Variants in STK32B observed in about 807,000 individuals in gnomAD.
STK32B encodes the protein serine/threonine-protein kinase 32B.
Under a neutral mutation model 52.6 loss-of-function variants are expected in STK32B, and 43 were observed. The observed-to-expected ratio is 0.82, with a 90% CI of 0.64 to 1.05. The LOEUF is 1.05. Among genes scored for constraint, STK32B ranks in the 50% least tolerant of loss-of-function variants. The pLI is 0.00. For missense variants in STK32B, 621 were observed against 534.6 expected (o/e 1.16, Z -1.59); for synonymous variants, 238 against 204.3 (o/e 1.17, Z -1.41).
chr4:5,076,326 G>T (rs1196545326), intron 1 of STK32B, among the ~76,000 whole-genome samples: 1 of 152,086 alleles, frequency 6.6e-6, no homozygotes, highest in Non-Finnish European at 1.5e-5. Flanking sequence ...TCCTAAGGAG[G>T]TACTGTAATT....
chr4:5,471,601 C>G (rs1292656281), intron 11 of STK32B, among the ~76,000 whole-genome samples: 4 of 152,118 alleles, frequency 2.6e-5, no homozygotes, highest in African/African-American at 9.7e-5. Context: ...GTTACGGCCA[C>G]CCAGAGAAAC....
chr4:5,202,484 G>C (rs1722227884), intron 3 of STK32B, among the ~76,000 whole-genome samples: 1 of 152,246 alleles, frequency 6.6e-6, no homozygotes, highest in African/African-American at 2.4e-5. Flanking sequence ...CTTTCTCACA[G>C]CTCCGCTCGG....
intron 1 of STK32B, among the ~76,000 whole-genome samples, chr4:5,126,779 T>C (rs1048811448): frequency 1.7e-4 from 26 of 152,284 alleles, no homozygotes; most frequent in Admixed American, 2.6e-4. Context: ...TCTCAACAAA[T>C]GATTCGACGG....
At chr4:5,451,195 C>T (rs574085014) in intron 7 of STK32B, among the ~76,000 whole-genome samples, 1 of 152,264 alleles carries the variant, frequency 6.6e-6, no homozygotes, top group East Asian at 1.9e-4. Context: ...CAGGTAGATG[C>T]AGGTAAAGCT....
chr4:5,125,420 C>T (rs1237919255), intron 1 of STK32B, among the ~76,000 whole-genome samples: 1 of 152,240 alleles, frequency 6.6e-6, no homozygotes, highest in Non-Finnish European at 1.5e-5. Flanking sequence ...TAGGTCCCTC[C>T]AGCCCCCCTC....
intron 8 of STK32B, chr4:5,458,723 G>C (rs1398384701): frequency 6.6e-6 from 1 of 152,504 alleles, no homozygotes. Context: ...TCCTCTATTG[G>C]GGATGGTCAT....
chr4:5,332,423 A>C (rs551153286), intron 4 of STK32B, among the ~76,000 whole-genome samples: 1 of 152,326 alleles, frequency 6.6e-6, no homozygotes, highest in East Asian at 1.9e-4. Context: ...TATCTATGGA[A>C]TGGGGGCAGT....
At chr4:5,175,832 C>T (rs1229364392) in intron 3 of STK32B, among the ~76,000 whole-genome samples, 1 of 152,256 alleles carries the variant, frequency 6.6e-6, no homozygotes, top group Non-Finnish European at 1.5e-5. Flanking sequence ...TCAAAGCTGT[C>T]AGACAGGGAC....
chr4:5,309,100 A>C (rs1050071542), intron 3 of STK32B, among the ~76,000 whole-genome samples: 8 of 152,164 alleles, frequency 5.3e-5, no homozygotes, highest in African/African-American at 1.7e-4. Flanking sequence ...CTATACACCA[A>C]CAAAAAACTA....
chr4:5,424,137 C>T (rs765871329), intron 6 of STK32B, among the ~76,000 whole-genome samples: 5 of 152,136 alleles, frequency 3.3e-5, no homozygotes, highest in African/African-American at 1.2e-4. Context: ...ATGCTCAGGG[C>T]AGCACTGACA....
chr4:5,457,219 T>C (rs957360846), intron 8 of STK32B, among the ~76,000 whole-genome samples: 5 of 148,246 alleles, frequency 3.4e-5, no homozygotes, highest in East Asian at 2.1e-4. Flanking sequence ...TTTCTTTTTT[T>C]TTTTTTTTTT....
At chr4:5,172,571 T>C (rs1719475640) in intron 3 of STK32B, among the ~76,000 whole-genome samples, 1 of 152,218 alleles carries the variant, frequency 6.6e-6, no homozygotes. Context: ...GATAACCATG[T>C]GGTTTTTGTC....
intron 3 of STK32B, among the ~76,000 whole-genome samples, chr4:5,316,791 ATATTATATATT>A (rs1730869987): frequency 0.037 from 2 of 54 alleles, 1 homozygote; most frequent in African/African-American, 0.25. Flanking sequence ...TTATACATAT[ATATTATATATT>A]ATATATATTA....
At chr4:5,346,182 A>C (rs375606414) in intron 4 of STK32B, among the ~76,000 whole-genome samples, 9 of 152,342 alleles carry the variant, frequency 5.9e-5, no homozygotes, top group African/African-American at 1.9e-4. Context: ...CCCGTTTGCC[A>C]ATACTACCTT....
chr4:5,205,981 G>A (rs985477112), intron 3 of STK32B, among the ~76,000 whole-genome samples: 4 of 152,146 alleles, frequency 2.6e-5, no homozygotes, highest in Non-Finnish European at 5.9e-5. Flanking sequence ...AATATTCTTG[G>A]CACCAGGTGC....
At chr4:5,375,714 C>T (rs916856739) in intron 4 of STK32B, among the ~76,000 whole-genome samples, 1 of 152,030 alleles carries the variant, frequency 6.6e-6, no homozygotes, top group Non-Finnish European at 1.5e-5. Flanking sequence ...TTGTTTTGGC[C>T]TCTGTTTTTT....
At chr4:5,165,879 T>C (rs1718831672) in intron 2 of STK32B, among the ~76,000 whole-genome samples, 1 of 152,234 alleles carries the variant, frequency 6.6e-6, no homozygotes, top group South Asian at 2.1e-4. Context: ...CAACGTGCTA[T>C]CTAATACATT....
intron 6 of STK32B, among the ~76,000 whole-genome samples, chr4:5,421,612 C>G (rs1030823250): frequency 6.6e-6 from 1 of 152,126 alleles, no homozygotes; most frequent in Non-Finnish European, 1.5e-5. Flanking sequence ...TCCTCAAAGG[C>G]TCTACTGGGG....
At chr4:5,466,973 T>C in intron 10 of STK32B, 139 bp downstream of exon 10, 3 of 1,144,606 alleles carry the variant, frequency 2.6e-6, no homozygotes, top group Non-Finnish European at 1.2e-6. Context: ...AATAAAATGC[T>C]ACTATCAAAC....
Sources: allele counts gnomAD v4.1 joint callset (sites outside exome capture counted in the v4.1 genomes callset), GRCh38; gene constraint gnomAD v4.1.1; transcripts MANE v1.5; gene names NCBI Gene and HGNC (gene_info 2026-07-23, HGNC 2026-07-21).